TYW1: variants seen among roughly 807,000 people sequenced by gnomAD.
TYW1 encodes the protein tRNA-yW synthesizing protein 1 homolog.
Under a neutral mutation model 96.2 loss-of-function variants are expected in TYW1, and 46 were observed. That is an observed-to-expected ratio of 0.48 (90% CI 0.38 to 0.61). The LOEUF (loss-of-function observed/expected upper bound fraction) is 0.61, where lower values mean the gene tolerates loss of function less well. Ranked by LOEUF, TYW1 falls within the 20% of genes least tolerant of loss-of-function variation. The probability of loss-of-function intolerance (pLI) is 0.00; values close to 1 mark genes in which losing one functional copy is unlikely to be tolerated. For missense variants in TYW1, 684 were observed against 909.6 expected (o/e 0.75, Z 3.19); for synonymous variants, 274 against 323.0 (o/e 0.85, Z 1.63).
Position 66,998,205 on chromosome 7 carries a change from G to A in TYW1, c.135+10G>A. The A allele has an allele frequency of 6.3e-7, 1 of 1,583,180 alleles. No individual in the cohort carries two copies. The highest frequency in any genetic ancestry group is 2.2e-5 in the East Asian group (1 of 44,556). On this transcript the variant is annotated intron_variant, in intron 2 of 15. Transcript: ENST00000359626. ...TGTCATCAAGACGCAGGTAAGTGGA[G>A]TTATTTTTTTTTTAATGGAGTATTT... is the stretch of plus-strand genomic sequence containing the variant.
At chr7:67,054,027 G>A (rs928612806) in intron 8 of TYW1, among the ~76,000 whole-genome samples, 2 of 152,102 alleles carry the variant, frequency 1.3e-5, no homozygotes, top group Non-Finnish European at 2.9e-5. Flanking sequence ...GTAATGGGAG[G>A]GCTCACCTTA....
chr7:67,013,809 T>A (rs1004635464), intron 4 of TYW1, among the ~76,000 whole-genome samples: 1 of 146,328 alleles, frequency 6.8e-6, no homozygotes, highest in African/African-American at 2.5e-5. Context: ...AGTGACGTGA[T>A]CTTGGCTCGC....
chr7:67,021,363 T>C (rs1427101294), intron 6 of TYW1, among the ~76,000 whole-genome samples: 1 of 152,288 alleles, frequency 6.6e-6, no homozygotes, highest in Non-Finnish European at 1.5e-5. Context: ...ATTCTCCATC[T>C]GCTGGTACTT....
intron 3 of TYW1, among the ~76,000 whole-genome samples, chr7:67,002,420 G>C (rs1055796882): frequency 3.3e-5 from 5 of 152,008 alleles, no homozygotes; most frequent in African/African-American, 1.2e-4. Context: ...GGATTTGATT[G>C]ATTCATATTT....
chr7:67,169,412 T>G (rs1342229216), intron 13 of TYW1, among the ~76,000 whole-genome samples: 1 of 152,168 alleles, frequency 6.6e-6, no homozygotes, highest in African/African-American at 2.4e-5. Flanking sequence ...CTTCATCTTT[T>G]TTTTTTGAGA....
intron 13 of TYW1, among the ~76,000 whole-genome samples, chr7:67,167,721 T>C (rs1799387336): frequency 6.6e-6 from 1 of 151,808 alleles, no homozygotes; most frequent in South Asian, 2.1e-4. Flanking sequence ...TATCCTTACA[T>C]GTTTGGGTCT....
intron 6 of TYW1, among the ~76,000 whole-genome samples, chr7:67,020,959 T>C (rs1008073263): frequency 1.2e-4 from 18 of 152,224 alleles, no homozygotes; most frequent in Middle Eastern, 3.2e-3. Flanking sequence ...ACTTGGGAGG[T>C]GGAGGTTGCA....
intron 10 of TYW1, among the ~76,000 whole-genome samples, chr7:67,068,133 T>C (rs1415586917): frequency 1.3e-5 from 2 of 151,966 alleles, no homozygotes; most frequent in Non-Finnish European, 2.9e-5. Context: ...GTGATTCTCC[T>C]GTCTCAGCCT....
intron 3 of TYW1, among the ~76,000 whole-genome samples, chr7:67,002,151 G>T (rs1490996908): frequency 6.6e-6 from 1 of 151,490 alleles, no homozygotes; most frequent in Non-Finnish European, 1.5e-5. Flanking sequence ...GGGCTCCAGC[G>T]ATTCTCCTGA....
chr7:67,095,899 C>T (rs1463748302), intron 11 of TYW1, among the ~76,000 whole-genome samples: 1 of 152,128 alleles, frequency 6.6e-6, no homozygotes, highest in East Asian at 1.9e-4. Flanking sequence ...TTCTTTGTTA[C>T]TGTTGTTAAG....
chr7:67,192,901 G>A (rs1484279716), intron 14 of TYW1, among the ~76,000 whole-genome samples: 1 of 152,210 alleles, frequency 6.6e-6, no homozygotes, highest in African/African-American at 2.4e-5. Context: ...TTGGTGGAAG[G>A]AAAGGGGAGA....
chr7:67,088,511 G>A (rs1233390195), intron 11 of TYW1, among the ~76,000 whole-genome samples: 1 of 152,168 alleles, frequency 6.6e-6, no homozygotes, highest in Non-Finnish European at 1.5e-5. Context: ...TAGAATTTTA[G>A]TACTTCAGAA....
chr7:66,997,638 C>T (rs1281118946), intron 1 of TYW1, among the ~76,000 whole-genome samples: 1 of 137,810 alleles, frequency 7.3e-6, no homozygotes. Flanking sequence ...TCCCCACCCC[C>T]CCGCCCCCGA....
At chr7:67,167,468 CAAAAAA>C (rs869281504) in intron 13 of TYW1, among the ~76,000 whole-genome samples, 2 of 78,826 alleles carry the variant, frequency 2.5e-5, no homozygotes, top group Admixed American at 1.6e-4. Context: ...GACTCTGTCT[CAAAAAA>C]AAAAAAAAAA....
At chr7:67,210,764 GTCCA>G (rs1554394279) in intron 15 of TYW1, among the ~76,000 whole-genome samples, 1 of 143,988 alleles carries the variant, frequency 6.9e-6, no homozygotes, top group Non-Finnish European at 1.5e-5. Flanking sequence ...TCGTCTGTCC[GTCCA>G]TCCATCCATC....
chr7:67,199,268 T>G (rs1462020265), intron 15 of TYW1, among the ~76,000 whole-genome samples: 1 of 152,208 alleles, frequency 6.6e-6, no homozygotes, highest in Admixed American at 6.5e-5. Context: ...GTGGCTAGAT[T>G]GAGGTTGTAT....
At chr7:67,011,494 CT>C (rs1448180835) in intron 4 of TYW1, among the ~76,000 whole-genome samples, 2 of 152,194 alleles carry the variant, frequency 1.3e-5, no homozygotes, top group Non-Finnish European at 2.9e-5. Flanking sequence ...TGTGAACTTG[CT>C]AGAAATGCAG....
intron 4 of TYW1, among the ~76,000 whole-genome samples, chr7:67,011,094 G>A (rs4718442): frequency 0.68 from 103,094 of 151,914 alleles, 35,032 homozygotes; most frequent in Middle Eastern, 0.74. Flanking sequence ...CTGGAGTGCA[G>A]TGGTATGATC....
intron 12 of TYW1, among the ~76,000 whole-genome samples, chr7:67,103,822 A>G (rs551482515): frequency 6.6e-6 from 1 of 152,308 alleles, no homozygotes; most frequent in South Asian, 2.1e-4. Context: ...CAACAAGTTC[A>G]GCTATTTGCT....
Sources: allele counts gnomAD v4.1 joint callset (sites outside exome capture counted in the v4.1 genomes callset), GRCh38; gene constraint gnomAD v4.1.1; transcripts MANE v1.5; gene names NCBI Gene and HGNC (gene_info 2026-07-23, HGNC 2026-07-21).